CYTH1: variants seen among roughly 807,000 people sequenced by gnomAD.
CYTH1 encodes cytohesin-1.
A neutral mutation model predicts 61.8 loss-of-function variants in CYTH1; 18 were observed. The ratio of observed to expected loss-of-function variants is 0.29; its 90% CI spans 0.20 to 0.43. The LOEUF is 0.43. Among genes scored for constraint, CYTH1 ranks in the 20% least tolerant of loss-of-function variants. CYTH1 has a pLI of 1.00. For missense variants in CYTH1, 336 were observed against 510.5 expected (o/e 0.66, Z 3.29); for synonymous variants, 174 against 184.3 (o/e 0.94, Z 0.45).
At chr17:78,768,727 C>T (rs998815292) in intron 1 of CYTH1, among the ~76,000 whole-genome samples, 4 of 152,124 alleles carry the variant, frequency 2.6e-5, no homozygotes, top group African/African-American at 9.7e-5. Flanking sequence ...AGGGTCTCTC[C>T]ACTGCCAATC....
chr17:78,747,170 A>C lies in CYTH1; in HGVS notation c.22+35032T>G, dbSNP rs12950171. On this transcript the variant is annotated intron_variant, in intron 1 of 13. Coordinates refer to ENST00000446868, the MANE Select transcript of CYTH1 (RefSeq NM_004762.6). ...CAAAAAAAAAAAAAAAAAAAAAAAAAGAAAAAACTACATGGCATGCTAAGG... is the reference window on the plus strand; with the variant it reads ...CAAAAAAAAAAAAAAAAAAAAAAAACGAAAAAACTACATGGCATGCTAAGG... 3.1e-3 allele frequency among the ~76,000 whole-genome samples: 465 copies of C among 148,966 alleles called. 2 individuals are homozygous for C. The highest frequency in any genetic ancestry group is 0.01 in the African/African-American group (414 of 40,036).
intron 1 of CYTH1, among the ~76,000 whole-genome samples, chr17:78,718,134 C>A (rs1227126530): frequency 6.6e-6 from 1 of 151,906 alleles, no homozygotes; most frequent in African/African-American, 2.4e-5. Flanking sequence ...TTCATCCCCT[C>A]CAGCTGGCCT....
intron 1 of CYTH1, among the ~76,000 whole-genome samples, chr17:78,769,341 T>C (rs780176052): frequency 1.3e-5 from 2 of 151,988 alleles, no homozygotes; most frequent in Non-Finnish European, 2.9e-5. Flanking sequence ...GAACCATTTG[T>C]AGCTCCCCAA....
chr17:78,746,111 A>G (rs1262351204), intron 1 of CYTH1, among the ~76,000 whole-genome samples: 1 of 152,200 alleles, frequency 6.6e-6, no homozygotes, highest in African/African-American at 2.4e-5. Flanking sequence ...ACAGGCAGAC[A>G]TAGGCAAAAA....
rs779215895 is a variant in CYTH1 at position 78,698,863 on chromosome 17, C to T, written c.656G>A (p.Arg219Gln). ...CAGGTCTCCCCCATCATTGATGCCT[C>T]GGTTCATGGCAATGAACCTCTCCAC... ...PTVERFIAMN[R>Q]GINDGGDLPE... The change falls in exon 8 of 14, where the codon CGA becomes CAA. Residue 219 changes from arginine (R) to glutamine (Q), a missense_variant. By Grantham distance (43) the Arg-to-Gln change is conservative (BLOSUM62 1). Around this residue, in one of 4 missense-constraint regions of CYTH1, gnomAD observed 125 missense variants for 209.9 expected, o/e 0.60. Coordinates refer to ENST00000446868, the MANE Select transcript of CYTH1 (RefSeq NM_004762.6). 1.6e-5 allele frequency: 25 copies of T among 1,600,980 alleles called. No individual in the cohort carries two copies. The highest frequency in any genetic ancestry group is 3.4e-5 in the South Asian group (3 of 88,304).
Position 78,752,783 on chromosome 17 carries a change from T to A in CYTH1, c.22+29419A>T, listed in dbSNP as rs547965736. Among the ~76,000 whole-genome samples, 3 of 152,288 alleles carry A rather than the reference T, an allele frequency of 2.0e-5. No homozygotes were observed. The South Asian group carries it at 6.2e-4, about 32-fold the overall frequency. On this transcript the variant is annotated intron_variant, in intron 1 of 13. Coordinates refer to ENST00000446868, the MANE Select transcript of CYTH1 (RefSeq NM_004762.6). ...GTTTATAATCTTAACCATGTAAATA[T>A]AAGTAAGGTCACACACCTCATATCA...
intron 1 of CYTH1, among the ~76,000 whole-genome samples, chr17:78,750,370 G>A (rs1387730922): frequency 6.6e-6 from 1 of 152,106 alleles, no homozygotes; most frequent in African/African-American, 2.4e-5. Context: ...GCTCTGCTGT[G>A]GCCATGCCAA....
In CYTH1 at chr17:78,695,476, G is replaced by C. The variant is rs533508667; in HGVS notation, c.814+531C>G. ...AATGTCTTAAGTATCATCTAATTTA[G>C]TTCTTTCCCTAGTTTGCTTTTCCAT... is the stretch of plus-strand genomic sequence containing the variant. On this transcript the variant is annotated intron_variant, in intron 10 of 13. Transcript: ENST00000446868. Among the ~76,000 whole-genome samples the C allele has an allele frequency of 4.6e-5, 7 of 152,184 alleles. No homozygotes were observed. In the South Asian group the frequency reaches 1.5e-3, roughly 32 times the overall value.
At chr17:78,710,315 T>C (rs908195288) in intron 1 of CYTH1, among the ~76,000 whole-genome samples, 3 of 152,236 alleles carry the variant, frequency 2.0e-5, no homozygotes, top group Non-Finnish European at 2.9e-5. Context: ...ACTGGGACTA[T>C]GGGACTTTCT....
intron 10 of CYTH1, among the ~76,000 whole-genome samples, chr17:78,694,972 C>T (rs2092924191): frequency 6.6e-6 from 1 of 152,112 alleles, no homozygotes; most frequent in Non-Finnish European, 1.5e-5. Flanking sequence ...CACAGGACCA[C>T]CTCCCACTGC....
intron 1 of CYTH1, among the ~76,000 whole-genome samples, chr17:78,732,645 T>C (rs2144602020): frequency 6.6e-6 from 1 of 152,286 alleles, no homozygotes; most frequent in Admixed American, 6.5e-5. Context: ...TTTCTGATTC[T>C]GCAAAATACA....
intron 1 of CYTH1, among the ~76,000 whole-genome samples, chr17:78,741,537 T>C (rs1245506518): frequency 1.3e-5 from 2 of 151,978 alleles, no homozygotes; most frequent in Non-Finnish European, 2.9e-5. Flanking sequence ...GCACCACCTA[T>C]AAAAGTGAGG....
At chr17:78,694,731 G>A (rs1284099422) in intron 10 of CYTH1, among the ~76,000 whole-genome samples, 1 of 152,132 alleles carries the variant, frequency 6.6e-6, no homozygotes, top group Admixed American at 6.5e-5. Flanking sequence ...CGAGTCAGAT[G>A]CTAAAAGAAA....
At chr17:78,765,323 A>C (rs1341889111) in intron 1 of CYTH1, among the ~76,000 whole-genome samples, 2 of 152,216 alleles carry the variant, frequency 1.3e-5, no homozygotes, top group Admixed American at 1.3e-4. Context: ...CTAGGTTGGA[A>C]TCCCTATTTC....
rs560535586 is a variant in CYTH1, at chr17:78,677,204, C to T, written c.1119-1035G>A. 2.6e-4 allele frequency: 104 copies of T among 397,310 alleles called. 2 individuals are homozygous for T. The highest frequency in any genetic ancestry group is 1.7e-3 in the South Asian group (92 of 54,318). 24.6% of individuals were successfully genotyped at this position (397,310 alleles called of 1,614,324 possible). A position where few individuals can be genotyped will look rare whatever the true frequency, so the allele number is the denominator to read the frequency against. The stretch of plus-strand genomic sequence containing the variant: ...TGCTTTCACGAGGGAATCTGGCGGC[C>T]GGGACACCTGCTTTCATGTTTGGAG... On this transcript the variant is annotated intron_variant, in intron 13 of 13. Coordinates refer to ENST00000446868, the MANE Select transcript of CYTH1 (RefSeq NM_004762.6).
chr17:78,751,735 G>C (rs2093381125), intron 1 of CYTH1, among the ~76,000 whole-genome samples: 1 of 152,200 alleles, frequency 6.6e-6, no homozygotes, highest in African/African-American at 2.4e-5. Context: ...AGGATTGACT[G>C]CATAAACGAA....
At chr17:78,705,967 C>T (rs2093061107) in intron 3 of CYTH1, among the ~76,000 whole-genome samples, 1 of 151,968 alleles carries the variant, frequency 6.6e-6, no homozygotes, top group Admixed American at 6.6e-5. Flanking sequence ...GTGCAGACAC[C>T]GGAATATACA....
chr17:78,696,113 T>C lies in CYTH1; in HGVS notation c.812-104A>G, dbSNP rs916199011. 3.0e-5 allele frequency: 40 copies of C among 1,332,266 alleles called. No individual in the cohort carries two copies. In the African/African-American group the frequency reaches 5.8e-4, roughly 19 times the overall value. 82.5% of individuals were successfully genotyped at this position (1,332,266 alleles called of 1,614,324 possible). A position where few individuals can be genotyped will look rare whatever the true frequency, so the allele number is the denominator to read the frequency against. ...GAAATTAAACCCGATTCCTTAATCT[T>C]AAAGTGCAATGTATCAGTCACATTC... On this transcript the variant is annotated intron_variant, in intron 9 of 13. Coordinates refer to ENST00000446868, the MANE Select transcript of CYTH1 (RefSeq NM_004762.6).
rs145003863 is a variant in CYTH1, at chr17:78,718,140, G to A, written c.23-8408C>T. Among the ~76,000 whole-genome samples, 798 of 151,240 alleles carry A rather than the reference G, an allele frequency of 5.3e-3. 5 individuals carry two copies. Among genetic ancestry groups the A allele is most frequent in the Non-Finnish European group, 9.5e-3 (644 of 67,892 alleles). On this transcript the variant is annotated intron_variant, in intron 1 of 13. Coordinates refer to ENST00000446868, the MANE Select transcript of CYTH1 (RefSeq NM_004762.6). ...CATTTCCTTTTCATCCCCTCCAGCT[G>A]GCCTGCTGCCAACGGGTGCCCTCCT...
Sources: gnomAD v4.1 joint callset for allele counts (sites outside exome capture counted in the v4.1 genomes callset) on GRCh38, gnomAD v4.1.1 for gene constraint, gnomAD v4.1.1 regional missense constraint, MANE v1.5 for transcripts, NCBI Gene and HGNC (gene_info 2026-07-23, HGNC 2026-07-21) for gene names.